ZNF273: variants seen among roughly 807,000 people sequenced by gnomAD.
ZNF273 encodes zinc finger protein 273.
ZNF273 carries 11 observed loss-of-function variants against 14.9 expected under a neutral mutation model. That is an observed-to-expected ratio of 0.74 (90% CI 0.46 to 1.22). The LOEUF is 1.22. Ranked by LOEUF, ZNF273 falls within the 50% of genes most tolerant of loss-of-function variation. ZNF273 has a pLI of 0.00. For synonymous variants in ZNF273, 199 were observed against 223.9 expected, an observed-to-expected ratio of 0.89 and a Z score of 0.99; for missense variants, 577 against 660.6, an observed-to-expected ratio of 0.87 and a Z score of 1.39.
downstream of ZNF273, among the ~76,000 whole-genome samples, chr7:64,880,842 G>C (rs1377829204): frequency 6.6e-6 from 1 of 152,052 alleles, no homozygotes; most frequent in Non-Finnish European, 1.5e-5. Flanking sequence ...CAGCAGTCCT[G>C]TGCCCAGGAC....
At chr7:64,882,005 C>T (rs1193730612), downstream of ZNF273, among the ~76,000 whole-genome samples, 1 of 152,166 alleles carries the variant, frequency 6.6e-6, no homozygotes, top group Non-Finnish European at 1.5e-5. Context: ...GAGACCTCTT[C>T]TCCACCGTGT....
downstream of ZNF273, among the ~76,000 whole-genome samples, chr7:64,894,085 A>G (rs1045382810): frequency 2.6e-5 from 4 of 151,932 alleles, no homozygotes; most frequent in African/African-American, 9.7e-5. Flanking sequence ...GCTCACTGCA[A>G]CCTCCGTCTC....
upstream of ZNF273, among the ~76,000 whole-genome samples, chr7:64,900,812 TAA>T (rs137974486): frequency 9.2e-3 from 1,396 of 152,276 alleles, 16 homozygotes; most frequent in African/African-American, 0.032. Flanking sequence ...AGATCATCTA[TAA>T]AACACCTTGC....
intron 3 of ZNF273, among the ~76,000 whole-genome samples, chr7:64,926,150 C>CT (rs755107397): frequency 8.6e-3 from 893 of 103,790 alleles, no homozygotes; most frequent in African/African-American, 0.016. Context: ...CACTTGGCAG[C>CT]TTTTTTTTTT....
chr7:64,898,785 C>A (rs368995677), upstream of ZNF273, among the ~76,000 whole-genome samples: 38 of 152,258 alleles, frequency 2.5e-4, no homozygotes, highest in African/African-American at 7.9e-4. Flanking sequence ...TGGAGGTGCA[C>A]CACATTGCAT....
chr7:64,892,658 C>A (rs923678852), downstream of ZNF273, among the ~76,000 whole-genome samples: 2 of 152,078 alleles, frequency 1.3e-5, no homozygotes, highest in African/African-American at 4.8e-5. Context: ...AGAGAGGGGT[C>A]CCAAATGGGC....
downstream of ZNF273, chr7:64,890,186 A>AGGGG (rs201888282): frequency 1.5e-3 from 92 of 60,388 alleles, no homozygotes; most frequent in East Asian, 2.4e-3. Flanking sequence ...GAAGCAGGTT[A>AGGGG]GGGGTGTGTG....
chr7:64,904,546 AC>A (rs1321599650), intron 1 of ZNF273, among the ~76,000 whole-genome samples: 1 of 151,808 alleles, frequency 6.6e-6, no homozygotes, highest in Non-Finnish European at 1.5e-5. Context: ...ACTACTCCCC[AC>A]CCCCAATTCC....
At chr7:64,882,897 C>T (rs769496769), downstream of ZNF273, 5 of 152,388 alleles carry the variant, frequency 3.3e-5, no homozygotes, top group Non-Finnish European at 5.9e-5. Context: ...ACCGCGCTGC[C>T]TCAGAAGCTG....
rs769427957 is a variant in ZNF273 at position 64,927,624 on chromosome 7, T to C, written c.326-30T>C. The C allele has an allele frequency of 2.6e-6, 4 of 1,522,158 alleles. No individual in the cohort carries two copies. The South Asian group carries it at 5.4e-5, about 20-fold the overall frequency. The allele number at this position is 1,522,158 out of a possible 1,614,324, so 94.3% of individuals were successfully genotyped here. A position where few individuals can be genotyped will look rare whatever the true frequency, so the allele number is the denominator to read the frequency against. The stretch of plus-strand genomic sequence containing the variant: ...AGTATATTCATCTGAGTCTAGTAAG[T>C]GGGGTAATTGTTACTTTTATTTCTT... On this transcript the variant is annotated intron_variant, in intron 3 of 3. Transcript: ENST00000476120.
intron 3 of ZNF273, among the ~76,000 whole-genome samples, chr7:64,921,106 C>G (rs995791932): frequency 6.6e-6 from 1 of 151,134 alleles, no homozygotes; most frequent in African/African-American, 2.4e-5. Context: ...CTCTTGTGTC[C>G]CAGGCTGGAG....
At chr7:64,935,153 T>G (rs1045373880), downstream of ZNF273, among the ~76,000 whole-genome samples, 5 of 151,768 alleles carry the variant, frequency 3.3e-5, no homozygotes, top group Admixed American at 2.6e-4. Context: ...TTTAATAAAT[T>G]TGTTTATTAG....
downstream of ZNF273, chr7:64,879,902 C>T (rs1041080766): frequency 6.6e-6 from 1 of 152,194 alleles, no homozygotes; most frequent in East Asian, 1.9e-4. Flanking sequence ...GTTGGGGGCC[C>T]GCAGTACTTG....
downstream of ZNF273, chr7:64,889,564 A>G: frequency 2.0e-6 from 2 of 985,794 alleles, no homozygotes; most frequent in South Asian, 9.4e-5. The surrounding 1 kb of genome is among the most constrained non-coding windows in gnomAD (Gnocchi z 4.2). Flanking sequence ...CTCTGACCTG[A>G]GAGGGACAGT....
At chr7:64,931,377 A>T (rs373874362), downstream of ZNF273, among the ~76,000 whole-genome samples, 1 of 152,150 alleles carries the variant, frequency 6.6e-6, no homozygotes, top group South Asian at 2.1e-4. Context: ...TGGTAGAGCC[A>T]TACATTTCTT....
intron 1 of ZNF273, among the ~76,000 whole-genome samples, chr7:64,907,611 A>G (rs935019048): frequency 6.6e-6 from 1 of 152,182 alleles, no homozygotes; most frequent in Non-Finnish European, 1.5e-5. Context: ...GCCCTGAATC[A>G]GGGTCTGTGC....
chr7:64,902,704 CGAAA>C (rs1792804593), upstream of ZNF273, among the ~76,000 whole-genome samples: 1 of 137,806 alleles, frequency 7.3e-6, no homozygotes, highest in Non-Finnish European at 1.6e-5. Context: ...AGCGAGACTC[CGAAA>C]GAGACAGAGA....
Position 64,928,708 on chromosome 7 carries a change from T to TGAA in ZNF273, c.1384_1386dup (p.Glu462dup). On this transcript the variant is annotated inframe_insertion, in exon 4 of 4. Transcript: ENST00000476120. ...ATACTGGAGCAAAACCTTACAAATGTGAAGAATGTGGCAGTGCCTTTAGGG... is the reference window on the plus strand; with the variant it reads ...ATACTGGAGCAAAACCTTACAAATGTGAAGAAGAATGTGGCAGTGCCTTTAGGG... 1 of 1,606,690 alleles carries TGAA rather than the reference T, an allele frequency of 6.2e-7. No homozygotes were observed. Among genetic ancestry groups the TGAA allele is most frequent in the Non-Finnish European group, 8.5e-7 (1 of 1,174,332 alleles).
intron 2 of ZNF273, 38 bp from the exon 3 acceptor site, chr7:64,918,159 A>G: frequency 6.6e-7 from 1 of 1,522,152 alleles, no homozygotes; most frequent in Non-Finnish European, 8.9e-7. Context: ...ATTGGAGAAT[A>G]TGAGCAAGAT....
Sources: gnomAD v4.1 joint callset for allele counts (sites outside exome capture counted in the v4.1 genomes callset) on GRCh38, gnomAD v4.1.1 for gene constraint, Gnocchi (gnomAD v3.1) non-coding constraint, MANE v1.5 for transcripts, NCBI Gene and HGNC (gene_info 2026-07-23, HGNC 2026-07-21) for gene names.